The following COG5 variants were observed in gnomAD, a reference collection of about 807,000 sequenced individuals.
COG5 encodes the protein conserved oligomeric Golgi complex subunit 5.
Under a neutral mutation model 110.4 loss-of-function variants are expected in COG5, and 86 were observed. The observed-to-expected ratio is 0.78, with a 90% confidence interval of 0.65 to 0.93. The LOEUF (loss-of-function observed/expected upper bound fraction) is 0.93, where lower values mean the gene tolerates loss of function less well. COG5 is among the 40% of genes least tolerant of loss of function. The pLI, the probability that COG5 is intolerant of heterozygous loss-of-function variation, is 0.00. For synonymous variants in COG5, 360 were observed against 334.6 expected (o/e 1.08, Z -0.83); for missense variants, 1,077 against 987.0 (o/e 1.09, Z -1.22).
intron 7 of COG5, among the ~76,000 whole-genome samples, chr7:107,394,175 G>A (rs1178928769): frequency 6.6e-6 from 1 of 151,732 alleles, no homozygotes; most frequent in East Asian, 1.9e-4. Flanking sequence ...GTGTTAGCCA[G>A]CATGGTGTCG....
intron 18 of COG5, among the ~76,000 whole-genome samples, chr7:107,231,953 T>C (rs1290211587): frequency 1.3e-5 from 2 of 152,248 alleles, no homozygotes; most frequent in Admixed American, 1.3e-4. Flanking sequence ...ATAATGATTC[T>C]TATTAAGCAA....
intron 11 of COG5, among the ~76,000 whole-genome samples, chr7:107,299,873 A>AAT (rs145472519): frequency 0.062 from 7,737 of 124,254 alleles, 650 homozygotes; most frequent in African/African-American, 0.19. Flanking sequence ...AATTATCTGG[A>AAT]ATATATATAT....
At chr7:107,440,020 T>A (rs558058115) in intron 6 of COG5, among the ~76,000 whole-genome samples, 135 of 152,298 alleles carry the variant, frequency 8.9e-4, no homozygotes, top group Non-Finnish European at 1.2e-3. Flanking sequence ...TCTTGACTAA[T>A]ATATCACTGG....
intron 10 of COG5, among the ~76,000 whole-genome samples, chr7:107,327,127 A>G (rs1809837457): frequency 1.3e-5 from 2 of 152,202 alleles, no homozygotes; most frequent in Non-Finnish European, 2.9e-5. Flanking sequence ...TAGAGAGACA[A>G]AAAAATAAAC....
intron 8 of COG5, among the ~76,000 whole-genome samples, chr7:107,363,574 C>T (rs562490901): frequency 1.3e-5 from 2 of 151,684 alleles, no homozygotes; most frequent in South Asian, 4.2e-4. Context: ...GAAAGAATGA[C>T]AGAATTAGAA....
At chr7:107,315,448 A>G (rs1463189317) in intron 11 of COG5, among the ~76,000 whole-genome samples, 1 of 152,140 alleles carries the variant, frequency 6.6e-6, no homozygotes, top group African/African-American at 2.4e-5. Flanking sequence ...TTCAGAGACT[A>G]ATACTGCACA....
chr7:107,242,291 CAG>C, intron 17 of COG5, among the ~76,000 whole-genome samples: 1 of 152,342 alleles, frequency 6.6e-6, no homozygotes. Flanking sequence ...GGGAGCAACA[CAG>C]AGCCAGGGGA....
intron 6 of COG5, among the ~76,000 whole-genome samples, chr7:107,499,014 T>A (rs529159983): frequency 1.3e-5 from 2 of 152,160 alleles, no homozygotes; most frequent in Admixed American, 1.3e-4. Flanking sequence ...ATGAATCTTA[T>A]GGATATTATG....
intron 3 of COG5, among the ~76,000 whole-genome samples, chr7:107,551,425 A>T (rs1584958742): frequency 6.6e-6 from 1 of 152,222 alleles, no homozygotes; most frequent in African/African-American, 2.4e-5. Flanking sequence ...AGGCTTAAAC[A>T]TACCTCCAAA....
intron 6 of COG5, among the ~76,000 whole-genome samples, chr7:107,496,738 TG>T (rs1351776250): frequency 6.7e-6 from 1 of 150,026 alleles, no homozygotes; most frequent in Non-Finnish European, 1.5e-5. Context: ...AAAAAACACA[TG>T]ACCATTTCAA....
At chr7:107,512,741 C>T (rs1327928526) in intron 6 of COG5, among the ~76,000 whole-genome samples, 8 of 151,698 alleles carry the variant, frequency 5.3e-5, no homozygotes, top group South Asian at 2.1e-4. Context: ...GAAATAATGC[C>T]GCATATCTAC....
chr7:107,497,283 G>A (rs1241544188), intron 6 of COG5, among the ~76,000 whole-genome samples: 1 of 152,072 alleles, frequency 6.6e-6, no homozygotes, highest in Non-Finnish European at 1.5e-5. Flanking sequence ...CTATAGTGTT[G>A]GAAATCCTAG....
rs989487173 is a variant in COG5, at chr7:107,546,163, A to C, written c.417+1948T>G. On this transcript the variant is annotated intron_variant, in intron 5 of 21. Coordinates refer to ENST00000297135, the MANE Select transcript of COG5 (RefSeq NM_006348.5). ...AAAAGAAATTAAAAGAGAAGTTTTA[A>C]AATGTCTTGAGACAAATGACACAAC... 1.4e-4 allele frequency among the ~76,000 whole-genome samples: 22 copies of C among 152,216 alleles called. 1 individual carries two copies.
intron 17 of COG5, among the ~76,000 whole-genome samples, 199 bp from the exon 18 acceptor site, chr7:107,236,886 A>G (rs976436240): frequency 3.3e-5 from 5 of 152,228 alleles, no homozygotes; most frequent in Non-Finnish European, 5.9e-5. Flanking sequence ...AGTGGTTTAG[A>G]TGCCAGGAGG....
intron 6 of COG5, among the ~76,000 whole-genome samples, chr7:107,499,814 G>A (rs531371193): frequency 1.3e-5 from 2 of 152,166 alleles, no homozygotes; most frequent in African/African-American, 4.8e-5. Context: ...TTAGAAGTAG[G>A]GATAGTATCT....
chr7:107,543,134 A>C (rs1051878082), intron 5 of COG5, among the ~76,000 whole-genome samples: 1 of 152,240 alleles, frequency 6.6e-6, no homozygotes, highest in Non-Finnish European at 1.5e-5. Flanking sequence ...CCAGGACTCC[A>C]GCTTGCAGAC....
chr7:107,472,436 T>A (rs1796692203), intron 6 of COG5: 1 of 152,014 alleles, frequency 6.6e-6, no homozygotes, highest in South Asian at 2.1e-4. Context: ...CCACACTGTT[T>A]AACATTTACG....
intron 7 of COG5, among the ~76,000 whole-genome samples, chr7:107,402,023 A>T (rs1791468359): frequency 6.6e-6 from 1 of 152,222 alleles, no homozygotes; most frequent in African/African-American, 2.4e-5. Context: ...CAGAATTTTT[A>T]ACTGCAAAAG....
intron 6 of COG5, among the ~76,000 whole-genome samples, chr7:107,428,415 GAC>G (rs1793794615): frequency 6.6e-6 from 1 of 152,050 alleles, no homozygotes; most frequent in Non-Finnish European, 1.5e-5. Context: ...AAGCCACAGA[GAC>G]CTAGGAGAAA....
Sources: gnomAD v4.1 joint callset for allele counts (sites outside exome capture counted in the v4.1 genomes callset) on GRCh38, gnomAD v4.1.1 for gene constraint, MANE v1.5 for transcripts, NCBI Gene and HGNC (gene_info 2026-07-23, HGNC 2026-07-21) for gene names.